ANKRD33B: variants seen among roughly 807,000 people sequenced by gnomAD.
ANKRD33B encodes the protein ankyrin repeat domain-containing protein 33B.
A neutral mutation model predicts 21.5 loss-of-function variants in ANKRD33B; 6 were observed. The observed-to-expected ratio is 0.28, with a 90% CI of 0.15 to 0.55. The LOEUF is 0.55. Among genes scored for constraint, ANKRD33B ranks in the 20% least tolerant of loss-of-function variants. The pLI, the probability that ANKRD33B is intolerant of heterozygous loss-of-function variation, is 0.94. For synonymous variants in ANKRD33B, 347 were observed against 342.4 expected (o/e 1.01, Z -0.15); for missense variants, 698 against 747.2 (o/e 0.93, Z 0.77).
At chr5:10,580,076 C>T (rs1193788543) in intron 1 of ANKRD33B, among the ~76,000 whole-genome samples, 3 of 151,454 alleles carry the variant, frequency 2.0e-5, no homozygotes, top group African/African-American at 4.9e-5. Flanking sequence ...AACCAGATCC[C>T]TGTAATTTTA....
chr5:10,631,863 G>GCCA (rs936529969), intron 2 of ANKRD33B, among the ~76,000 whole-genome samples: 2 of 152,224 alleles, frequency 1.3e-5, no homozygotes, highest in African/African-American at 4.8e-5. Flanking sequence ...GCACTCCAAA[G>GCCA]CCATGGCCAG....
chr5:10,594,826 G>A (rs1423074216), intron 1 of ANKRD33B, among the ~76,000 whole-genome samples: 1 of 152,182 alleles, frequency 6.6e-6, no homozygotes, highest in Non-Finnish European at 1.5e-5. Context: ...CGGGGAAAGT[G>A]GGAGTTGACT....
At chr5:10,639,690 G>C (rs1486615766) in intron 3 of ANKRD33B, among the ~76,000 whole-genome samples, 18 of 31,730 alleles carry the variant, frequency 5.7e-4, no homozygotes, top group African/African-American at 1.9e-3. Context: ...GCGATGTTAG[G>C]CGGTGACGCG....
At chr5:10,637,539 G>A (rs1443975988) in intron 2 of ANKRD33B, among the ~76,000 whole-genome samples, 10 of 152,034 alleles carry the variant, frequency 6.6e-5, no homozygotes, top group Non-Finnish European at 5.9e-5. Context: ...CAGGGTGCCA[G>A]CGTGAATTGG....
Position 10,597,987 on chromosome 5 carries a change from C to T in ANKRD33B, c.367-20346C>T, listed in dbSNP as rs142743063. Among the ~76,000 whole-genome samples, 266 of 152,250 alleles carry T rather than the reference C, an allele frequency of 1.7e-3. 1 individual carries two copies. Among genetic ancestry groups the T allele is most frequent in the Middle Eastern group, 3.4e-3 (1 of 294 alleles). ...GAGTACTAGATTTTCTTGCTATGTT[C>T]CTTTTCTTGGCATATGACTTTGATC... On this transcript the variant is annotated intron_variant, in intron 1 of 3. Coordinates refer to ENST00000296657, the MANE Select transcript of ANKRD33B (RefSeq NM_001164440.2).
intron 1 of ANKRD33B, among the ~76,000 whole-genome samples, chr5:10,600,570 A>C (rs1177637651): frequency 6.6e-6 from 1 of 152,176 alleles, no homozygotes; most frequent in Non-Finnish European, 1.5e-5. Flanking sequence ...TCTCTTGATG[A>C]ATATTTGGGT....
At chr5:10,571,508 G>A (rs560558855) in intron 1 of ANKRD33B, among the ~76,000 whole-genome samples, 2 of 152,144 alleles carry the variant, frequency 1.3e-5, no homozygotes, top group African/African-American at 4.8e-5. Flanking sequence ...GGCCTCTTGA[G>A]TATTTATTTG....
chr5:10,637,750 C>T (rs965342363), intron 2 of ANKRD33B, among the ~76,000 whole-genome samples: 1 of 152,126 alleles, frequency 6.6e-6, no homozygotes, highest in African/African-American at 2.4e-5. Flanking sequence ...CATCCACCCC[C>T]AGTAGTGTAA....
chr5:10,602,520 T>C (rs1029824486), intron 1 of ANKRD33B, among the ~76,000 whole-genome samples: 4 of 152,226 alleles, frequency 2.6e-5, no homozygotes, highest in Non-Finnish European at 5.9e-5. Flanking sequence ...ACAGGCCCAA[T>C]ATTTGTGAAA....
chr5:10,636,805 G>A (rs1736877250), intron 2 of ANKRD33B, among the ~76,000 whole-genome samples: 1 of 152,230 alleles, frequency 6.6e-6, no homozygotes, highest in African/African-American at 2.4e-5. Context: ...CACCAGGTGT[G>A]GTTGGTCACG....
intron 1 of ANKRD33B, among the ~76,000 whole-genome samples, chr5:10,567,940 G>A (rs1735095971): frequency 6.6e-6 from 1 of 152,304 alleles, no homozygotes; most frequent in East Asian, 1.9e-4. Context: ...CTTTCTAGGA[G>A]GAAATGATCT....
In ANKRD33B at chr5:10,564,882, C is replaced by T. The variant is rs1401198259; in HGVS notation, c.366+49C>T. ...TTGAGCCCCCTCACTGCCCCCACTC[C>T]CCTCCTCCCCACCACATCCCCGCGC... is the stretch of plus-strand genomic sequence containing the variant. On this transcript the variant is annotated intron_variant, in intron 1 of 3. Transcript: ENST00000296657. 4 of 1,454,034 alleles carry T rather than the reference C, an allele frequency of 2.8e-6. No homozygotes were observed. In the Admixed American group the frequency reaches 9.4e-5, roughly 34 times the overall value. The allele number at this position is 1,454,034 out of a possible 1,614,324, so 90.1% of individuals were successfully genotyped here. A position where few individuals can be genotyped will look rare whatever the true frequency, so the allele number is the denominator to read the frequency against.
chr5:10,581,943 G>A (rs1234116037), intron 1 of ANKRD33B, among the ~76,000 whole-genome samples: 3 of 152,132 alleles, frequency 2.0e-5, no homozygotes, highest in African/African-American at 7.2e-5. Context: ...TGTCTCTCTG[G>A]AGAGCCCTGA....
At position 10,653,045 on chromosome 5, in the gene ANKRD33B, T is replaced by A. The variant is rs142414892; in HGVS notation, c.*2932T>A. On this transcript the variant is annotated 3_prime_UTR_variant, in exon 4 of 4. Coordinates refer to ENST00000296657, the MANE Select transcript of ANKRD33B (RefSeq NM_001164440.2). ...CCTCCCGGGGAGCTTTATTGTGGCCTCAGTGGAAAGATTGGATTTTGAAAC... is the reference window on the plus strand; with the variant it reads ...CCTCCCGGGGAGCTTTATTGTGGCCACAGTGGAAAGATTGGATTTTGAAAC... 4.0e-3 allele frequency: 709 copies of A among 176,172 alleles called. 5 individuals are homozygous for A. Among genetic ancestry groups the A allele is most frequent in the African/African-American group, 0.016 (664 of 42,326 alleles). 10.9% of individuals were successfully genotyped at this position (176,172 alleles called of 1,614,324 possible). A position where few individuals can be genotyped will look rare whatever the true frequency, so the allele number is the denominator to read the frequency against.
At chr5:10,566,795 C>T (rs1818036) in intron 1 of ANKRD33B, among the ~76,000 whole-genome samples, 3 of 152,294 alleles carry the variant, frequency 2.0e-5, no homozygotes, top group East Asian at 1.9e-4. Flanking sequence ...GCCTCAGTTT[C>T]CTCGTCTGTA....
At chr5:10,567,531 C>T (rs540133814) in intron 1 of ANKRD33B, among the ~76,000 whole-genome samples, 4 of 152,180 alleles carry the variant, frequency 2.6e-5, no homozygotes, top group African/African-American at 4.8e-5. Context: ...GTCTCCCCGA[C>T]GGCAGTGTGG....
intron 1 of ANKRD33B, among the ~76,000 whole-genome samples, chr5:10,588,426 CAG>C (rs897690098): frequency 2.0e-5 from 3 of 152,184 alleles, no homozygotes; most frequent in Admixed American, 1.3e-4. Context: ...AGTAACAACA[CAG>C]AGATTTGCAC....
rs534828226 is a variant in ANKRD33B, at chr5:10,618,359, C to T, written c.393C>T (p.His131=). ...CCGGCCTTATTGTCGCCTGCTACCA[C>T]GGCTTTGTGGATACCGTGGTGGCCT... ...GRTGLIVACY[H]GFVDTVVALA... The change falls in exon 2 of 4, where the codon CAC becomes CAT. Residue 131 remains histidine, a synonymous_variant. Coordinates refer to ENST00000296657, the MANE Select transcript of ANKRD33B (RefSeq NM_001164440.2). 102 of 1,537,878 alleles carry T rather than the reference C, an allele frequency of 6.6e-5. No homozygotes were observed. The highest frequency in any genetic ancestry group is 4.5e-4 in the South Asian group (38 of 84,058).
At chr5:10,614,259 G>A (rs980271980) in intron 1 of ANKRD33B, among the ~76,000 whole-genome samples, 1 of 151,990 alleles carries the variant, frequency 6.6e-6, no homozygotes, top group African/African-American at 2.4e-5. Context: ...CATGACGGAG[G>A]GCATCTACTT....
Sources: allele counts gnomAD v4.1 joint callset (sites outside exome capture counted in the v4.1 genomes callset), GRCh38; gene constraint gnomAD v4.1.1; transcripts MANE v1.5; gene names NCBI Gene and HGNC (gene_info 2026-07-23, HGNC 2026-07-21).